Variants in TMEM117 observed in about 807,000 individuals in gnomAD.
TMEM117 encodes transmembrane protein 117.
A neutral mutation model predicts 52.4 loss-of-function variants in TMEM117; 27 were observed. That is an observed-to-expected ratio of 0.51 (90% CI 0.38 to 0.71). The LOEUF is 0.71. TMEM117 is among the 30% of genes least tolerant of loss of function. The pLI, the probability that TMEM117 is intolerant of heterozygous loss-of-function variation, is 0.00. For missense variants in TMEM117, 556 were observed against 630.5 expected, an observed-to-expected ratio of 0.88 and a Z score of 1.26; for synonymous variants, 215 against 206.3, an observed-to-expected ratio of 1.04 and a Z score of -0.36.
intron 3 of TMEM117, among the ~76,000 whole-genome samples, chr12:44,077,049 G>A (rs1185473700): frequency 2.6e-5 from 4 of 152,144 alleles, no homozygotes; most frequent in African/African-American, 9.7e-5. Flanking sequence ...ACAGAATGTG[G>A]TACAGTCTCA....
chr12:44,087,430 A>T (rs1459016693), intron 3 of TMEM117, among the ~76,000 whole-genome samples: 1 of 147,508 alleles, frequency 6.8e-6, no homozygotes, highest in African/African-American at 2.6e-5. Context: ...CATTCTTTCT[A>T]TGTGTGTATG....
intron 3 of TMEM117, among the ~76,000 whole-genome samples, chr12:44,093,185 G>A (rs1947702725): frequency 6.6e-6 from 1 of 151,928 alleles, no homozygotes; most frequent in African/African-American, 2.4e-5. Flanking sequence ...TTCAGTGTCT[G>A]GTCAAGGGAG....
In TMEM117 at chr12:44,126,092, G is replaced by GT. The variant is rs964631768; in HGVS notation, c.411-17423dup. Among the ~76,000 whole-genome samples the GT allele has an allele frequency of 1.7e-3, 247 of 148,864 alleles. 2 individuals carry two copies. The highest frequency in any genetic ancestry group is 5.4e-3 in the African/African-American group (220 of 40,674). On this transcript the variant is annotated intron_variant, in intron 3 of 7. Coordinates refer to ENST00000266534, the MANE Select transcript of TMEM117 (RefSeq NM_032256.3). Reference sequence around the variant, plus strand: ...GTCTGAGAGACTGTTATGACTTCAGGTTTTTTTTTTCTTTGCATTTGCTGA... The same window carrying GT: ...GTCTGAGAGACTGTTATGACTTCAGGTTTTTTTTTTTCTTTGCATTTGCTGA...
At chr12:43,968,283 C>T (rs573573547) in intron 3 of TMEM117, among the ~76,000 whole-genome samples, 24 of 152,238 alleles carry the variant, frequency 1.6e-4, no homozygotes, top group South Asian at 6.2e-4. Flanking sequence ...GAATTTTAGC[C>T]GGCTTTCTTT....
intron 2 of TMEM117, among the ~76,000 whole-genome samples, chr12:43,912,349 G>A (rs1400858866): frequency 6.6e-6 from 1 of 150,600 alleles, no homozygotes; most frequent in Non-Finnish European, 1.5e-5. Context: ...GACTGTTGTG[G>A]GGTGGGGGAA....
intron 5 of TMEM117, among the ~76,000 whole-genome samples, chr12:44,282,603 T>A (rs925085805): frequency 6.6e-6 from 1 of 152,158 alleles, no homozygotes; most frequent in Non-Finnish European, 1.5e-5. Flanking sequence ...GCAGAAGAAA[T>A]TTCTAAGCAG....
At chr12:44,241,424 A>G (rs1304489179) in intron 5 of TMEM117, among the ~76,000 whole-genome samples, 2 of 151,734 alleles carry the variant, frequency 1.3e-5, no homozygotes, top group Admixed American at 6.6e-5. Context: ...TTTAATTTGT[A>G]TTTTTCTTAC....
At chr12:43,933,749 G>A (rs1436302573) in intron 2 of TMEM117, among the ~76,000 whole-genome samples, 1 of 151,888 alleles carries the variant, frequency 6.6e-6, no homozygotes, top group African/African-American at 2.4e-5. Context: ...TTTTAGTAGA[G>A]ACGGGGTTTC....
At chr12:43,967,450 T>A (rs1457832666) in intron 3 of TMEM117, among the ~76,000 whole-genome samples, 3 of 152,150 alleles carry the variant, frequency 2.0e-5, no homozygotes, top group Non-Finnish European at 4.4e-5. Flanking sequence ...TTAGGGTGGC[T>A]TCTGTCTTGC....
At chr12:43,862,151 A>C (rs1311719327) in intron 2 of TMEM117, among the ~76,000 whole-genome samples, 1 of 152,114 alleles carries the variant, frequency 6.6e-6, no homozygotes, top group East Asian at 1.9e-4. Flanking sequence ...CAATGGACAT[A>C]TAGTATGAGA....
chr12:44,367,273 TC>T (rs1951801609), intron 6 of TMEM117, among the ~76,000 whole-genome samples: 1 of 152,046 alleles, frequency 6.6e-6, no homozygotes, highest in African/African-American at 2.4e-5. Flanking sequence ...CAGGCCTTTG[TC>T]CCCAATGTCG....
chr12:43,853,502 C>T (rs141751094), intron 2 of TMEM117, among the ~76,000 whole-genome samples: 2,073 of 152,344 alleles, frequency 0.014, 35 homozygotes, highest in African/African-American at 0.048. Flanking sequence ...TCTCGATCTC[C>T]TGACCTTGTG....
chr12:43,917,438 A>G (rs1242818837), intron 2 of TMEM117, among the ~76,000 whole-genome samples: 1 of 152,136 alleles, frequency 6.6e-6, no homozygotes, highest in Non-Finnish European at 1.5e-5. Context: ...GTAATTCACA[A>G]TGTAATCTTC....
chr12:44,226,172 C>T (rs1949858267), intron 5 of TMEM117, among the ~76,000 whole-genome samples: 1 of 152,102 alleles, frequency 6.6e-6, no homozygotes, highest in Admixed American at 6.6e-5. Context: ...TCTTAGAGAA[C>T]CAGGCAGAAT....
intron 3 of TMEM117, among the ~76,000 whole-genome samples, chr12:43,949,031 A>G (rs990793990): frequency 4.6e-5 from 7 of 152,268 alleles, no homozygotes; most frequent in South Asian, 2.1e-4. Flanking sequence ...TGATCCCGCA[A>G]TGGGCTACAG....
chr12:44,029,320 C>T (rs1946594830), intron 3 of TMEM117, among the ~76,000 whole-genome samples: 1 of 152,186 alleles, frequency 6.6e-6, no homozygotes, highest in Admixed American at 6.5e-5. Flanking sequence ...ATGTTAACTG[C>T]TATTCTCTTT....
chr12:43,871,421 C>G (rs1943703470), intron 2 of TMEM117, among the ~76,000 whole-genome samples: 1 of 152,114 alleles, frequency 6.6e-6, no homozygotes, highest in African/African-American at 2.4e-5. Flanking sequence ...CTTTTTAATA[C>G]TAGCCATTCT....
chr12:43,864,129 G>A (rs952397939), intron 2 of TMEM117, among the ~76,000 whole-genome samples: 3 of 152,160 alleles, frequency 2.0e-5, no homozygotes, highest in Admixed American at 6.5e-5. Context: ...CTGCCTCCCT[G>A]GGGGGCAGGG....
intron 5 of TMEM117, among the ~76,000 whole-genome samples, chr12:44,246,066 A>G (rs1950125618): frequency 6.6e-6 from 1 of 152,180 alleles, no homozygotes; most frequent in Non-Finnish European, 1.5e-5. Flanking sequence ...GAGATAAATA[A>G]ATATGAGAAT....
Sources: allele counts gnomAD v4.1 joint callset (sites outside exome capture counted in the v4.1 genomes callset), GRCh38; gene constraint gnomAD v4.1.1; transcripts MANE v1.5; gene names NCBI Gene and HGNC (gene_info 2026-07-23, HGNC 2026-07-21).